TENM4: variants seen among roughly 807,000 people sequenced by gnomAD.
TENM4 encodes the protein teneurin transmembrane protein 4, also known as teneurin-4.
A neutral mutation model predicts 243.3 loss-of-function variants in TENM4; 82 were observed. That is an observed-to-expected ratio of 0.34 (90% CI 0.28 to 0.40). The LOEUF (loss-of-function observed/expected upper bound fraction) is 0.40. Among genes scored for constraint, TENM4 ranks in the 10% least tolerant of loss-of-function variants. The pLI is 1.00. For synonymous variants in TENM4, 1,412 were observed against 1,456.3 expected, an observed-to-expected ratio of 0.97 and a Z score of 0.69; for missense variants, 3,138 against 3,673.3, an observed-to-expected ratio of 0.85 and a Z score of 3.77.
intron 1 of TENM4, among the ~76,000 whole-genome samples, chr11:79,357,158 T>C (rs1005770889): frequency 6.6e-6 from 1 of 152,188 alleles, no homozygotes; most frequent in African/African-American, 2.4e-5. Context: ...GTGGGCAGCG[T>C]CCTTTTAAAT....
intron 7 of TENM4, among the ~76,000 whole-genome samples, chr11:78,892,521 C>T (rs1486802009): frequency 2.0e-5 from 3 of 152,152 alleles, no homozygotes; most frequent in African/African-American, 7.2e-5. Context: ...CTTTCTTTAT[C>T]TTATGTTCTT....
intron 2 of TENM4, among the ~76,000 whole-genome samples, chr11:79,270,421 T>C (rs548467410): frequency 6.6e-6 from 1 of 152,326 alleles, no homozygotes; most frequent in East Asian, 1.9e-4. Context: ...ATATAAAATT[T>C]TAAAAATCTA....
At position 79,287,409 on chromosome 11, in the gene TENM4, G is replaced by C. The variant is rs142939573; in HGVS notation, c.-265+10079C>G. Among the ~76,000 whole-genome samples the C allele has an allele frequency of 2.8e-3, 419 of 152,284 alleles. 2 individuals are homozygous for C. Among genetic ancestry groups the C allele is most frequent in the African/African-American group, 9.3e-3 (387 of 41,568 alleles). On this transcript the variant is annotated intron_variant, in intron 2 of 33. Coordinates refer to ENST00000278550, the MANE Select transcript of TENM4 (RefSeq NM_001098816.3). Reference sequence around the variant, plus strand: ...GGTCCAGTGAGAAAGCGTGCCAGATGATGACCCCCAGACCCATCCAGCCCT... The same window carrying C: ...GGTCCAGTGAGAAAGCGTGCCAGATCATGACCCCCAGACCCATCCAGCCCT...
chr11:78,940,521 C>G (rs954156184), intron 6 of TENM4, among the ~76,000 whole-genome samples: 7 of 152,216 alleles, frequency 4.6e-5, no homozygotes, highest in Non-Finnish European at 1.0e-4. Context: ...GAAGGACTAG[C>G]AGACATTCAC....
chr11:79,141,368 T>C (rs1468747619), intron 4 of TENM4, among the ~76,000 whole-genome samples: 3 of 152,000 alleles, frequency 2.0e-5, no homozygotes, highest in Non-Finnish European at 2.9e-5. Flanking sequence ...AGCAACTGTA[T>C]GCCAATAAAT....
At chr11:78,729,899 C>T (rs1435880227) in intron 21 of TENM4, among the ~76,000 whole-genome samples, 2 of 151,976 alleles carry the variant, frequency 1.3e-5, no homozygotes, top group Non-Finnish European at 2.9e-5. Context: ...TGTCAGAGGA[C>T]CTGGTATCTG....
At chr11:78,892,341 G>A (rs2136299248) in intron 7 of TENM4, among the ~76,000 whole-genome samples, 1 of 152,256 alleles carries the variant, frequency 6.6e-6, no homozygotes, top group South Asian at 2.1e-4. Context: ...GGTGGCTTCA[G>A]CCTGTTGCAT....
At chr11:79,048,596 T>G (rs895880884) in intron 6 of TENM4, among the ~76,000 whole-genome samples, 1 of 152,144 alleles carries the variant, frequency 6.6e-6, no homozygotes, top group African/African-American at 2.4e-5. Context: ...TGATCGTGTC[T>G]TGGTTCAACC....
At chr11:78,688,297 C>T (rs1858736101) in intron 28 of TENM4, 71 bp from the exon 29 acceptor site, 2 of 1,504,608 alleles carry the variant, frequency 1.3e-6, no homozygotes, top group East Asian at 4.6e-5. Context: ...GTGCATTCTA[C>T]CTCATGCCAT....
At chr11:79,386,484 T>G (rs184944529) in intron 1 of TENM4, among the ~76,000 whole-genome samples, 7 of 151,858 alleles carry the variant, frequency 4.6e-5, no homozygotes, top group African/African-American at 1.7e-4. Flanking sequence ...GGCCACAGAA[T>G]GGGAGAAGAT....
chr11:78,882,281 T>C (rs189073221), intron 9 of TENM4, among the ~76,000 whole-genome samples: 2 of 152,188 alleles, frequency 1.3e-5, no homozygotes, highest in South Asian at 2.1e-4. Flanking sequence ...CTGGCCTCTA[T>C]CTGTAATTCT....
At chr11:78,718,214 A>G (rs1859566000) in intron 25 of TENM4, among the ~76,000 whole-genome samples, 2 of 152,220 alleles carry the variant, frequency 1.3e-5, no homozygotes, top group Non-Finnish European at 2.9e-5. Context: ...TCCAGGTGGC[A>G]GTTAATATCA....
intron 6 of TENM4, among the ~76,000 whole-genome samples, chr11:79,033,220 G>A (rs1040468274): frequency 1.3e-5 from 2 of 152,020 alleles, no homozygotes; most frequent in African/African-American, 4.8e-5. Context: ...TCCATCCCTA[G>A]TGCTTGGCAC....
At chr11:79,343,376 G>A (rs1246016081) in intron 1 of TENM4, among the ~76,000 whole-genome samples, 1 of 152,210 alleles carries the variant, frequency 6.6e-6, no homozygotes, top group East Asian at 1.9e-4. Context: ...AATGGAAAAT[G>A]TTAGAGCTGG....
intron 6 of TENM4, among the ~76,000 whole-genome samples, chr11:79,015,399 T>C (rs959079227): frequency 2.0e-5 from 3 of 152,120 alleles, no homozygotes; most frequent in Non-Finnish European, 4.4e-5. Context: ...AGAGGCCACC[T>C]CTTTCCATTT....
intron 2 of TENM4, among the ~76,000 whole-genome samples, chr11:79,222,765 G>A (rs113310485): frequency 4.2e-4 from 64 of 152,322 alleles, no homozygotes; most frequent in South Asian, 1.2e-3. Flanking sequence ...GTGATGTTGA[G>A]CTTTTTTTAT....
At chr11:79,182,255 G>A (rs186778509) in intron 3 of TENM4, among the ~76,000 whole-genome samples, 5 of 152,208 alleles carry the variant, frequency 3.3e-5, no homozygotes, top group African/African-American at 7.2e-5. Context: ...ATACATCAAC[G>A]GAACAGAATA....
intron 3 of TENM4, among the ~76,000 whole-genome samples, chr11:79,150,904 C>T (rs1862495900): frequency 6.6e-6 from 1 of 152,164 alleles, no homozygotes; most frequent in Non-Finnish European, 1.5e-5. Flanking sequence ...TTAATCTTCA[C>T]AATAACCACA....
chr11:79,072,593 A>T (rs904880185), intron 4 of TENM4, among the ~76,000 whole-genome samples: 1 of 152,216 alleles, frequency 6.6e-6, no homozygotes, highest in Non-Finnish European at 1.5e-5. Context: ...GATTCACAAA[A>T]GTTATTGCAT....
Sources: gnomAD v4.1 joint callset for allele counts (sites outside exome capture counted in the v4.1 genomes callset) on GRCh38, gnomAD v4.1.1 for gene constraint, MANE v1.5 for transcripts, NCBI Gene and HGNC (gene_info 2026-07-23, HGNC 2026-07-21) for gene names.